Variants in NME7 observed in about 807,000 individuals in gnomAD.
NME7 encodes the protein nucleoside diphosphate kinase 7.
In NME7, 41 loss-of-function variants were observed where a neutral mutation model predicts 49.1. The observed-to-expected ratio is 0.83, with a 90% CI of 0.65 to 1.08. NME7 has a LOEUF of 1.08. Ranked by LOEUF, NME7 falls within the 50% of genes least tolerant of loss-of-function variation. The pLI is 0.00. For missense variants in NME7, 423 were observed against 463.4 expected (o/e 0.91, Z 0.80); for synonymous variants, 139 against 150.6 (o/e 0.92, Z 0.56).
At chr1:169,296,249 C>T (rs1391777467) in intron 6 of NME7, among the ~76,000 whole-genome samples, 1 of 152,150 alleles carries the variant, frequency 6.6e-6, no homozygotes, top group Non-Finnish European at 1.5e-5. Context: ...TCCACCTCCC[C>T]ATCAACATTC....
At chr1:169,171,204 C>CA (rs1252039348) in intron 10 of NME7, among the ~76,000 whole-genome samples, 4 of 151,806 alleles carry the variant, frequency 2.6e-5, no homozygotes, top group African/African-American at 9.7e-5. Context: ...CCCGTTGCTA[C>CA]AAAAAATACA....
chr1:169,187,236 A>T (rs1660092335), intron 10 of NME7, among the ~76,000 whole-genome samples: 2 of 151,840 alleles, frequency 1.3e-5, no homozygotes, highest in African/African-American at 4.8e-5. Context: ...TTTCGGGTGG[A>T]GAGTTCTGTA....
intron 11 of NME7, among the ~76,000 whole-genome samples, chr1:169,162,397 GAA>G (rs535546551): frequency 1.4e-5 from 2 of 140,528 alleles, no homozygotes; most frequent in Admixed American, 7.1e-5. Flanking sequence ...AGAACATTTA[GAA>G]AAAAAAAAAC....
rs537843515 is a variant in NME7, at chr1:169,257,555, G to A, written c.755-19868C>T. Among the ~76,000 whole-genome samples the A allele has an allele frequency of 1.9e-4, 26 of 134,112 alleles. 4 individuals are homozygous for A. In the East Asian group the frequency reaches 3.0e-3, roughly 16 times the overall value. The allele number at this position is 134,112 out of a possible 152,430, so 88.0% of individuals were successfully genotyped here. On this transcript the variant is annotated intron_variant, in intron 7 of 11. Transcript: ENST00000367811. ...TCGCTCACGCTGGGAGCTGTAGACC[G>A]GAGCTGTTCCTATTCGGCCATCTTG...
At chr1:169,224,198 C>T (rs1257235911) in intron 10 of NME7, among the ~76,000 whole-genome samples, 1 of 152,154 alleles carries the variant, frequency 6.6e-6, no homozygotes, top group African/African-American at 2.4e-5. Flanking sequence ...TGTATCAATG[C>T]CCATCTGGCA....
chr1:169,309,831 C>T, intron 4 of NME7, 139 bp downstream of exon 4: 1 of 556,124 alleles, frequency 1.8e-6, no homozygotes, highest in South Asian at 2.4e-5. Flanking sequence ...CTGTCAGTTC[C>T]CATTTTGGTT....
intron 7 of NME7, among the ~76,000 whole-genome samples, chr1:169,245,878 A>C (rs1648293479): frequency 6.6e-6 from 1 of 152,208 alleles, no homozygotes; most frequent in South Asian, 2.1e-4. Context: ...AAACATGCAT[A>C]ACAAATAACC....
intron 1 of NME7, among the ~76,000 whole-genome samples, chr1:169,348,136 T>C (rs1242565578): frequency 6.6e-6 from 1 of 152,206 alleles, no homozygotes; most frequent in Non-Finnish European, 1.5e-5. Flanking sequence ...ACCACTAATG[T>C]ACCTTTATAA....
At chr1:169,324,839 T>G (rs1404082534) in intron 1 of NME7, among the ~76,000 whole-genome samples, 1 of 152,230 alleles carries the variant, frequency 6.6e-6, no homozygotes, top group East Asian at 1.9e-4. Context: ...AAAGCAAGTT[T>G]ACATACAGAC....
intron 3 of NME7, among the ~76,000 whole-genome samples, chr1:169,315,962 G>A (rs1280366249): frequency 6.6e-6 from 1 of 151,838 alleles, no homozygotes; most frequent in East Asian, 1.9e-4. Context: ...AAGAAAATTG[G>A]TCAATAACCA....
chr1:169,243,319 A>G (rs1475092337), intron 7 of NME7, among the ~76,000 whole-genome samples: 2 of 152,238 alleles, frequency 1.3e-5, no homozygotes, highest in African/African-American at 2.4e-5. Flanking sequence ...CAGTAAAGTT[A>G]GGAAATAAAG....
At chr1:169,154,499 C>A (rs1659007301) in intron 11 of NME7, among the ~76,000 whole-genome samples, 1 of 151,554 alleles carries the variant, frequency 6.6e-6, no homozygotes, top group African/African-American at 2.4e-5. Context: ...AAATCTCTGG[C>A]TTTTTATTTT....
At position 169,298,556 on chromosome 1, in the gene NME7, T is replaced by C. The variant is rs1272636289; in HGVS notation, c.648A>G (p.Arg216=). 1 of 1,613,398 alleles carries C rather than the reference T, an allele frequency of 6.2e-7. No homozygotes were observed. Among genetic ancestry groups the C allele is most frequent in the African/African-American group, 1.3e-5 (1 of 74,892 alleles). Residue 216 remains arginine, a splice_region_variant and synonymous_variant, in exon 6 of 12, where the codon AGA becomes AGG. Coordinates refer to ENST00000367811, the MANE Select transcript of NME7 (RefSeq NM_013330.5). ...HGPDSFASAA[R]EMELFFPSSG... is the part of the protein sequence containing the mutation. Reference sequence around the variant, plus strand: ...TTAAAATATTTTTAAAACACCTTACTCTGGCCGCAGAAGCAAAAGAATCAG... The same window carrying C: ...TTAAAATATTTTTAAAACACCTTACCCTGGCCGCAGAAGCAAAAGAATCAG...
intron 10 of NME7, among the ~76,000 whole-genome samples, chr1:169,219,069 G>A (rs945976807): frequency 3.9e-5 from 6 of 152,052 alleles, no homozygotes; most frequent in African/African-American, 1.4e-4. Flanking sequence ...TCTTTGCCAA[G>A]CCAAATTTAA....
chr1:169,238,509 A>ACC (rs1647955786), intron 7 of NME7, among the ~76,000 whole-genome samples: 3 of 150,846 alleles, frequency 2.0e-5, no homozygotes, highest in African/African-American at 7.4e-5. Flanking sequence ...ACACACACAC[A>ACC]CACACACCAT....
rs573186961 is a variant in NME7 at position 169,233,953 on chromosome 1, C to G, written c.888+1178G>C. Reference sequence around the variant, plus strand: ...TTGTTTCTTTCTTTCTTCTTTTTCTCTCTCCCTCCTTCCTTTTTTCTTTCT... The same window carrying G: ...TTGTTTCTTTCTTTCTTCTTTTTCTGTCTCCCTCCTTCCTTTTTTCTTTCT... On this transcript the variant is annotated intron_variant, in intron 9 of 11. Transcript: ENST00000367811. Among the ~76,000 whole-genome samples, 3 of 151,254 alleles carry G rather than the reference C, an allele frequency of 2.0e-5. No homozygotes were observed. The South Asian group carries it at 6.3e-4, about 32-fold the overall frequency.
Position 169,347,736 on chromosome 1 carries a change from G to A in NME7, c.3+19972C>T, listed in dbSNP as rs563047073. The stretch of plus-strand genomic sequence containing the variant: ...TAGTACTCCTGTGCAAACAGAAAAA[G>A]TTGTGCCTTCCTGAGAACACTTTAC... On this transcript the variant is annotated intron_variant, in intron 1 of 11. Coordinates refer to ENST00000367811, the MANE Select transcript of NME7 (RefSeq NM_013330.5). 1.1e-4 allele frequency among the ~76,000 whole-genome samples: 16 copies of A among 152,220 alleles called. 1 individual carries two copies. In the South Asian group the frequency reaches 3.1e-3, roughly 30 times the overall value.
Position 169,281,723 on chromosome 1 carries a change from T to C in NME7, c.754+5580A>G, listed in dbSNP as rs901826561. The stretch of plus-strand genomic sequence containing the variant: ...CTATTGAGGTATGTGTTTTTTGTCA[T>C]TGGTTTTGTTTATGTGATGAATTAC... On this transcript the variant is annotated intron_variant, in intron 7 of 11. Coordinates refer to ENST00000367811, the MANE Select transcript of NME7 (RefSeq NM_013330.5). Among the ~76,000 whole-genome samples, 8 of 152,314 alleles carry C rather than the reference T, an allele frequency of 5.3e-5. No individual in the cohort carries two copies. The East Asian group carries it at 5.8e-4, about 11-fold the overall frequency.
chr1:169,346,189 G>A (rs1652946012), intron 1 of NME7, among the ~76,000 whole-genome samples: 1 of 152,074 alleles, frequency 6.6e-6, no homozygotes, highest in African/African-American at 2.4e-5. Context: ...CAGCCAGAGA[G>A]GATTCTGTAA....
Sources: allele counts gnomAD v4.1 joint callset (sites outside exome capture counted in the v4.1 genomes callset), GRCh38; gene constraint gnomAD v4.1.1; transcripts MANE v1.5; gene names NCBI Gene and HGNC (gene_info 2026-07-23, HGNC 2026-07-21).